Variants in RABGAP1L observed in about 807,000 individuals in gnomAD.
RABGAP1L encodes rab GTPase-activating protein 1-like.
A neutral mutation model predicts 137.7 loss-of-function variants in RABGAP1L; 63 were observed. The observed-to-expected ratio is 0.46, with a 90% CI of 0.37 to 0.56. The LOEUF is 0.56. RABGAP1L is among the 20% of genes least tolerant of loss of function. The pLI is 0.00. For missense variants in RABGAP1L, 1,095 were observed against 1,244.0 expected (o/e 0.88, Z 1.80); for synonymous variants, 431 against 433.7 (o/e 0.99, Z 0.08).
intron 19 of RABGAP1L, among the ~76,000 whole-genome samples, chr1:174,826,389 T>G (rs758484066): frequency 6.6e-6 from 1 of 152,090 alleles, no homozygotes; most frequent in Non-Finnish European, 1.5e-5. Context: ...CCTCAGCTAA[T>G]TTTTGTATTA....
At chr1:174,967,921 T>A (rs1277981434) in intron 20 of RABGAP1L, among the ~76,000 whole-genome samples, 1 of 120,354 alleles carries the variant, frequency 8.3e-6, no homozygotes, top group Non-Finnish European at 1.7e-5. Flanking sequence ...ACTATTCTTA[T>A]TTTTTTCCAA....
intron 13 of RABGAP1L, among the ~76,000 whole-genome samples, chr1:174,626,580 A>G (rs1396756701): frequency 2.0e-5 from 3 of 152,106 alleles, no homozygotes; most frequent in Non-Finnish European, 4.4e-5. Context: ...ATTTGTGTGC[A>G]GTGACTGGGA....
chr1:174,297,567 A>G (rs936612134), intron 10 of RABGAP1L, among the ~76,000 whole-genome samples: 39 of 152,166 alleles, frequency 2.6e-4, no homozygotes, highest in Admixed American at 1.2e-3. Flanking sequence ...CTAAAGAAGT[A>G]TATCTAACTG....
intron 12 of RABGAP1L, among the ~76,000 whole-genome samples, chr1:174,378,169 T>C (rs1208926111): frequency 6.8e-6 from 1 of 148,082 alleles, no homozygotes; most frequent in Non-Finnish European, 1.5e-5. Flanking sequence ...CCACATTTTC[T>C]TAATCCAGTC....
chr1:174,317,366 C>A (rs538151284), intron 11 of RABGAP1L, among the ~76,000 whole-genome samples: 1 of 151,906 alleles, frequency 6.6e-6, no homozygotes, highest in Non-Finnish European at 1.5e-5. Context: ...AGGTGATGAA[C>A]GCTGCTGGGA....
chr1:174,692,620 A>G (rs1420617097), intron 15 of RABGAP1L, among the ~76,000 whole-genome samples: 7 of 152,164 alleles, frequency 4.6e-5, no homozygotes, highest in Non-Finnish European at 7.4e-5. Context: ...TCATGTTATC[A>G]ACTTAAATTC....
At chr1:174,377,333 G>C (rs926488771) in intron 12 of RABGAP1L, among the ~76,000 whole-genome samples, 3 of 151,918 alleles carry the variant, frequency 2.0e-5, no homozygotes, top group African/African-American at 7.3e-5. Flanking sequence ...CAGATTTTTT[G>C]GTAGCAACCA....
At chr1:174,360,950 A>T (rs563218639) in intron 11 of RABGAP1L, among the ~76,000 whole-genome samples, 28 of 152,224 alleles carry the variant, frequency 1.8e-4, no homozygotes, top group Admixed American at 8.5e-4. Flanking sequence ...AGGTCAGGAG[A>T]TTGAGGCCAT....
At chr1:174,178,458 T>C (rs760629498) in intron 1 of RABGAP1L, among the ~76,000 whole-genome samples, 1 of 152,150 alleles carries the variant, frequency 6.6e-6, no homozygotes, top group Admixed American at 6.6e-5. Context: ...GCAATACCAT[T>C]TGACCCAGCA....
chr1:174,455,364 G>GTAAA (rs1193326399), intron 13 of RABGAP1L, among the ~76,000 whole-genome samples: 3 of 152,064 alleles, frequency 2.0e-5, no homozygotes, highest in African/African-American at 7.2e-5. Context: ...TTAAGCAATT[G>GTAAA]TAAATAAGGT....
At chr1:174,611,475 G>C (rs1361031544) in intron 13 of RABGAP1L, among the ~76,000 whole-genome samples, 1 of 150,222 alleles carries the variant, frequency 6.7e-6, no homozygotes, top group East Asian at 1.9e-4. Context: ...AGTATAGTTT[G>C]AAGTCAGGTA....
At chr1:174,964,204 G>C (rs775801100) in intron 20 of RABGAP1L, among the ~76,000 whole-genome samples, 5 of 152,162 alleles carry the variant, frequency 3.3e-5, no homozygotes, top group Admixed American at 2.6e-4. Context: ...AGTTGAGTGT[G>C]TTGTTGCTAA....
rs572956768 is a variant in RABGAP1L at position 174,202,240 on chromosome 1, T to G, written c.-33-16885T>G. ...GGAATCGCTACACTGACTTCCACAA[T>G]GGTTGAACTAGTTTACAGTCCCACC... On this transcript the variant is annotated intron_variant, in intron 1 of 25. Coordinates refer to ENST00000681986, the MANE Select transcript of RABGAP1L (RefSeq NM_001366446.1). Among the ~76,000 whole-genome samples, 3 of 152,264 alleles carry G rather than the reference T, an allele frequency of 2.0e-5. No individual in the cohort carries two copies. In the East Asian group the frequency reaches 5.8e-4, roughly 29 times the overall value.
chr1:174,219,049 T>C, intron 1 of RABGAP1L, 76 bp from the exon 2 acceptor site: 1 of 1,136,072 alleles, frequency 8.8e-7, no homozygotes, highest in Non-Finnish European at 1.3e-6. Context: ...TTTTAAAGCT[T>C]TATTAGTTCA....
intron 18 of RABGAP1L, among the ~76,000 whole-genome samples, chr1:174,780,103 TAAATAAATAAATA>T (rs1686850250): frequency 1.3e-5 from 2 of 149,970 alleles, no homozygotes; most frequent in Admixed American, 6.7e-5. Context: ...AATAAATAAA[TAAATAAATAAATA>T]AATTAAATAA....
At chr1:174,211,282 C>T (rs909032286) in intron 1 of RABGAP1L, among the ~76,000 whole-genome samples, 1 of 152,080 alleles carries the variant, frequency 6.6e-6, no homozygotes, top group African/African-American at 2.4e-5. Flanking sequence ...ACTGCAACAA[C>T]TTTTCAAGAC....
At chr1:174,380,703 C>T (rs376613846) in intron 12 of RABGAP1L, among the ~76,000 whole-genome samples, 24 of 140,576 alleles carry the variant, frequency 1.7e-4, no homozygotes, top group Admixed American at 4.3e-4. Context: ...GTCTTGCTAG[C>T]GGTCTATCAA....
chr1:174,539,573 C>G (rs1415506488), intron 13 of RABGAP1L, among the ~76,000 whole-genome samples: 1 of 152,086 alleles, frequency 6.6e-6, no homozygotes, highest in African/African-American at 2.4e-5. Flanking sequence ...ATAGTTTGCT[C>G]AGAATGATGG....
intron 19 of RABGAP1L, among the ~76,000 whole-genome samples, chr1:174,935,758 G>A (rs2149272585): frequency 6.6e-6 from 1 of 152,164 alleles, no homozygotes; most frequent in Non-Finnish European, 1.5e-5. Context: ...GAGGCGGGCG[G>A]ATCACCTGAG....
Sources: gnomAD v4.1 joint callset for allele counts (sites outside exome capture counted in the v4.1 genomes callset) on GRCh38, gnomAD v4.1.1 for gene constraint, MANE v1.5 for transcripts, NCBI Gene and HGNC (gene_info 2026-07-23, HGNC 2026-07-21) for gene names.